RGS9: variants seen among roughly 807,000 people sequenced by gnomAD.
RGS9 encodes the protein regulator of G protein signaling 9.
RGS9 carries 78 observed loss-of-function variants against 102.0 expected under a neutral mutation model. The ratio of observed to expected loss-of-function variants is 0.76; its 90% confidence interval spans 0.64 to 0.92. RGS9 has a LOEUF of 0.92. Among genes scored for constraint, RGS9 ranks in the 40% least tolerant of loss-of-function variants. RGS9 has a pLI of 0.00. For synonymous variants in RGS9, 353 were observed against 318.6 expected (o/e 1.11, Z -1.15); for missense variants, 833 against 866.1 (o/e 0.96, Z 0.48).
chr17:65,154,353 C>T (rs993733735), intron 2 of RGS9, among the ~76,000 whole-genome samples: 1 of 152,124 alleles, frequency 6.6e-6, no homozygotes, highest in African/African-American at 2.4e-5. Flanking sequence ...AGTACATTTG[C>T]TGACTCCTGG....
chr17:65,202,226 C>A lies in RGS9; in HGVS notation c.1064+146C>A. 10 of 665,692 alleles carry A rather than the reference C, an allele frequency of 1.5e-5. No homozygotes were observed. In the South Asian group the frequency reaches 1.6e-4, roughly 10 times the overall value. 41.2% of individuals were successfully genotyped at this position (665,692 alleles called of 1,614,324 possible). The stretch of plus-strand genomic sequence containing the variant: ...GCATCAGTTCACTGTACTTGCCATG[C>A]TAGAAATAGTTCCCCGCTGCTTTGG... On this transcript the variant is annotated intron_variant, in intron 14 of 18. Coordinates refer to ENST00000262406, the MANE Select transcript of RGS9 (RefSeq NM_003835.4).
intron 2 of RGS9, among the ~76,000 whole-genome samples, chr17:65,153,740 A>T (rs533302393): frequency 6.6e-6 from 1 of 152,222 alleles, no homozygotes; most frequent in African/African-American, 2.4e-5. Context: ...AATACAAAAA[A>T]TTAGCTGGGC....
intron 8 of RGS9, among the ~76,000 whole-genome samples, chr17:65,170,675 G>T (rs765529885): frequency 6.6e-6 from 1 of 152,138 alleles, no homozygotes; most frequent in Non-Finnish European, 1.5e-5. Flanking sequence ...GGGTTTACAC[G>T]TGCCTGGTCC....
chr17:65,179,823 C>T (rs1911794263), intron 9 of RGS9, among the ~76,000 whole-genome samples: 1 of 152,044 alleles, frequency 6.6e-6, no homozygotes, highest in African/African-American at 2.4e-5. Context: ...TGCTCCTTGG[C>T]CTTCAGAGCC....
chr17:65,142,637 C>T (rs1910201482), intron 1 of RGS9, among the ~76,000 whole-genome samples: 1 of 148,104 alleles, frequency 6.8e-6, no homozygotes, highest in African/African-American at 2.5e-5. Context: ...GGCTGGAGTA[C>T]AGTGGCGAGA....
chr17:65,227,133 C>A, intron 18 of RGS9, 142 bp from the exon 19 acceptor site: 2 of 1,019,906 alleles, frequency 2.0e-6, no homozygotes, highest in Non-Finnish European at 3.0e-6. Context: ...AATGCTCTAC[C>A]CCTGAGCTAT....
chr17:65,169,390 C>T (rs116765134), intron 8 of RGS9, among the ~76,000 whole-genome samples: 2,781 of 152,154 alleles, frequency 0.018, 99 homozygotes, highest in African/African-American at 0.063. Context: ...ATCTGGGGGC[C>T]GGGTGACAGA....
At chr17:65,162,449 C>CATTT (rs1000259016) in intron 6 of RGS9, among the ~76,000 whole-genome samples, 4 of 151,940 alleles carry the variant, frequency 2.6e-5, no homozygotes, top group Admixed American at 6.6e-5. Flanking sequence ...ATTTGGGATA[C>CATTT]ATTTATTTAT....
At chr17:65,215,549 TTTTTG>T (rs202178028) in intron 17 of RGS9, among the ~76,000 whole-genome samples, 8,508 of 134,936 alleles carry the variant, frequency 0.063, 477 homozygotes, top group Middle Eastern at 0.11. Context: ...TCTTTCTTTT[TTTTTG>T]TTTTGAGACA....
chr17:65,166,683 C>T (rs899072489), intron 7 of RGS9, among the ~76,000 whole-genome samples: 3 of 152,192 alleles, frequency 2.0e-5, no homozygotes, highest in African/African-American at 7.2e-5. Context: ...AGAGCAAAGC[C>T]GGAAAGGACC....
chr17:65,167,047 C>T (rs962702186), intron 7 of RGS9, among the ~76,000 whole-genome samples: 11 of 151,908 alleles, frequency 7.2e-5, no homozygotes, highest in South Asian at 2.1e-4. Flanking sequence ...AGTGTGAGCG[C>T]GGGTCTCCGT....
intron 8 of RGS9, 52 bp downstream of exon 8, chr17:65,168,333 C>A: frequency 8.0e-7 from 1 of 1,254,176 alleles, no homozygotes; most frequent in Non-Finnish European, 1.2e-6. Context: ...CCTCCCACCT[C>A]CATCCTGTGC....
intron 1 of RGS9, among the ~76,000 whole-genome samples, chr17:65,152,634 A>G (rs1382300627): frequency 2.0e-5 from 3 of 152,102 alleles, no homozygotes. Context: ...GGCTCAAGTG[A>G]TCCTCCTGCC....
chr17:65,211,807 A>G (rs542270649), intron 17 of RGS9, among the ~76,000 whole-genome samples: 2 of 152,366 alleles, frequency 1.3e-5, no homozygotes, highest in African/African-American at 4.8e-5. Flanking sequence ...GTTCTCTCTC[A>G]TGGAGCTTCT....
At chr17:65,186,788 C>A (rs1030563940) in intron 9 of RGS9, among the ~76,000 whole-genome samples, 2 of 152,180 alleles carry the variant, frequency 1.3e-5, no homozygotes, top group Non-Finnish European at 2.9e-5. Context: ...AATCTCCTTA[C>A]CTTAAGCTTT....
At chr17:65,224,395 G>A (rs1356027373) in intron 17 of RGS9, among the ~76,000 whole-genome samples, 3 of 151,946 alleles carry the variant, frequency 2.0e-5, no homozygotes, top group Admixed American at 6.5e-5. Context: ...CTTTCTTCCT[G>A]ACCACCCCGG....
At chr17:65,167,919 G>A (rs1305657803) in intron 7 of RGS9, among the ~76,000 whole-genome samples, 1 of 152,100 alleles carries the variant, frequency 6.6e-6, no homozygotes, top group Non-Finnish European at 1.5e-5. Context: ...GGGCTGGTGG[G>A]GCATTCACCC....
At chr17:65,211,144 G>A (rs1412408407) in intron 17 of RGS9, among the ~76,000 whole-genome samples, 1 of 152,220 alleles carries the variant, frequency 6.6e-6, no homozygotes, top group Non-Finnish European at 1.5e-5. Context: ...ATAGCTTTAT[G>A]AAGCTCCTCA....
chr17:65,215,474 C>CTCTTTCTT (rs1913461523), intron 17 of RGS9, among the ~76,000 whole-genome samples: 12 of 137,120 alleles, frequency 8.8e-5, no homozygotes, highest in South Asian at 2.2e-4. Flanking sequence ...TTCTTTCTTT[C>CTCTTTCTT]TCTATCTTTC....
Sources: gnomAD v4.1 joint callset for allele counts (sites outside exome capture counted in the v4.1 genomes callset) on GRCh38, gnomAD v4.1.1 for gene constraint, MANE v1.5 for transcripts, NCBI Gene and HGNC (gene_info 2026-07-23, HGNC 2026-07-21) for gene names.